Variants in DOCK3 observed in about 807,000 individuals in gnomAD.
The protein encoded by DOCK3 is dedicator of cytokinesis protein 3.
Under a neutral mutation model 265.6 loss-of-function variants are expected in DOCK3, and 60 were observed. That is an observed-to-expected ratio of 0.23 (90% CI 0.18 to 0.28). DOCK3 has a LOEUF of 0.28. Ranked by LOEUF, DOCK3 falls within the 10% of genes least tolerant of loss-of-function variation. The pLI is 1.00. For synonymous variants in DOCK3, 881 were observed against 938.0 expected, an observed-to-expected ratio of 0.94 and a Z score of 1.11; for missense variants, 1,981 against 2,594.3, an observed-to-expected ratio of 0.76 and a Z score of 5.14.
At position 50,675,254 on chromosome 3, in the gene DOCK3, C is replaced by T. The variant is rs895422431; in HGVS notation, c.-10C>T. ...GTCGCCGCGCCCGCGGGGCCGCGCC[C>T]GGCACGGCCATGTGGACCCCCACGG... On this transcript the variant is annotated 5_prime_UTR_variant, in exon 1 of 53. Transcript: ENST00000266037. The surrounding 1 kb of genome is among the most constrained non-coding windows in gnomAD (Gnocchi z 6.1). 15 of 1,210,362 alleles carry T rather than the reference C, an allele frequency of 1.2e-5. No homozygotes were observed. Among genetic ancestry groups the T allele is most frequent in the African/African-American group, 4.8e-5 (3 of 61,970 alleles). 75.0% of individuals were successfully genotyped at this position (1,210,362 alleles called of 1,614,324 possible).
intron 3 of DOCK3, among the ~76,000 whole-genome samples, chr3:50,853,475 T>G (rs2046434476): frequency 6.6e-6 from 1 of 152,170 alleles, no homozygotes. Context: ...CCTTCCTGCT[T>G]CTTGGAGTCC....
chr3:51,256,515 G>T (rs1228806981), intron 22 of DOCK3, among the ~76,000 whole-genome samples: 18 of 150,784 alleles, frequency 1.2e-4, no homozygotes, highest in Admixed American at 1.2e-3. Context: ...AGGTGATCCG[G>T]CTGCCTTGGC....
intron 5 of DOCK3, among the ~76,000 whole-genome samples, chr3:50,964,995 A>G (rs2076988816): frequency 1.3e-5 from 2 of 152,120 alleles, no homozygotes; most frequent in Admixed American, 1.3e-4. Flanking sequence ...CAAAATAAAG[A>G]TGTTTTAGAT....
At chr3:51,170,837 G>T (rs930390997) in intron 12 of DOCK3, among the ~76,000 whole-genome samples, 4 of 151,790 alleles carry the variant, frequency 2.6e-5, no homozygotes, top group African/African-American at 9.7e-5. Flanking sequence ...CAGCTACTCG[G>T]GAGGCTGAGG....
chr3:51,131,237 T>C (rs1483271979), intron 9 of DOCK3, among the ~76,000 whole-genome samples: 2 of 152,124 alleles, frequency 1.3e-5, no homozygotes, highest in Admixed American at 6.5e-5. Context: ...ACTCCATTAA[T>C]TGCCTGACTT....
chr3:51,007,997 C>T (rs1311902347), intron 5 of DOCK3, among the ~76,000 whole-genome samples: 1 of 152,102 alleles, frequency 6.6e-6, no homozygotes, highest in Admixed American at 6.6e-5. Context: ...TTTCTGGTAC[C>T]AGTATCATGT....
At chr3:50,995,412 C>T (rs1216439788) in intron 5 of DOCK3, among the ~76,000 whole-genome samples, 1 of 152,146 alleles carries the variant, frequency 6.6e-6, no homozygotes, top group African/African-American at 2.4e-5. Context: ...TTGATGTGTG[C>T]AGCAAAAAAG....
chr3:51,214,777 C>A (rs1331870187), intron 14 of DOCK3, among the ~76,000 whole-genome samples: 2 of 152,194 alleles, frequency 1.3e-5, no homozygotes, highest in African/African-American at 4.8e-5. Flanking sequence ...GCCAGCTTCT[C>A]AGGAATTGTA....
intron 4 of DOCK3, among the ~76,000 whole-genome samples, chr3:50,913,760 G>T (rs1397882699): frequency 2.0e-5 from 3 of 152,102 alleles, no homozygotes; most frequent in Non-Finnish European, 2.9e-5. Flanking sequence ...TAGAATTGCT[G>T]CAAGTTCCCT....
chr3:51,116,802 A>G (rs1206390397), intron 9 of DOCK3, among the ~76,000 whole-genome samples: 1 of 152,158 alleles, frequency 6.6e-6, no homozygotes, highest in East Asian at 1.9e-4. Context: ...TGATTTTTGC[A>G]CATTGATTTT....
At chr3:51,056,566 C>T (rs1378727233) in intron 5 of DOCK3, among the ~76,000 whole-genome samples, 13 of 152,094 alleles carry the variant, frequency 8.5e-5, no homozygotes, top group South Asian at 2.1e-4. Flanking sequence ...GTATTTTTGA[C>T]ATAAAGGTCA....
chr3:50,787,855 G>T, intron 2 of DOCK3: 1 of 1,096,316 alleles, frequency 9.1e-7, no homozygotes, highest in Non-Finnish European at 1.4e-6. Context: ...GAGTCTCTTT[G>T]GATTGAGAAG....
At chr3:51,159,760 T>C (rs2086042001) in intron 11 of DOCK3, among the ~76,000 whole-genome samples, 1 of 152,180 alleles carries the variant, frequency 6.6e-6, no homozygotes, top group Non-Finnish European at 1.5e-5. Context: ...CTCCAGAAGA[T>C]GGATGACATT....
intron 1 of DOCK3, among the ~76,000 whole-genome samples, chr3:50,702,899 G>T (rs1053646789): frequency 6.6e-6 from 1 of 152,130 alleles, no homozygotes; most frequent in South Asian, 2.1e-4. Flanking sequence ...AGTAGTGAAA[G>T]TGGGCATCCT....
chr3:51,126,608 T>C (rs1458591122), intron 9 of DOCK3, among the ~76,000 whole-genome samples: 1 of 152,188 alleles, frequency 6.6e-6, no homozygotes, highest in Non-Finnish European at 1.5e-5. Context: ...TGTCCTGTCA[T>C]CAGAGCCTTG....
chr3:50,978,142 C>G (rs1343843389), intron 5 of DOCK3, among the ~76,000 whole-genome samples: 1 of 151,626 alleles, frequency 6.6e-6, no homozygotes, highest in Non-Finnish European at 1.5e-5. Flanking sequence ...CTTCTCTCAG[C>G]TCGTCAAAGT....
At chr3:51,053,117 A>ATATATATC in intron 5 of DOCK3, among the ~76,000 whole-genome samples, 1 of 120,006 alleles carries the variant, frequency 8.3e-6, no homozygotes, top group African/African-American at 3.0e-5. Flanking sequence ...ATATATATAT[A>ATATATATC]TATATGGATT....
chr3:51,197,969 G>A (rs2107946377), intron 12 of DOCK3, among the ~76,000 whole-genome samples: 1 of 152,308 alleles, frequency 6.6e-6, no homozygotes, highest in South Asian at 2.1e-4. Context: ...CATCCTGGTG[G>A]CACTCACTTC....
intron 12 of DOCK3, among the ~76,000 whole-genome samples, chr3:51,201,054 C>G (rs1275017321): frequency 6.6e-6 from 1 of 152,082 alleles, no homozygotes; most frequent in African/African-American, 2.4e-5. Context: ...CAACCGGTAC[C>G]AGCCGCTGCA....
Sources: allele counts gnomAD v4.1 joint callset (sites outside exome capture counted in the v4.1 genomes callset), GRCh38; gene constraint gnomAD v4.1.1; non-coding constraint Gnocchi (gnomAD v3.1); transcripts MANE v1.5; gene names NCBI Gene and HGNC (gene_info 2026-07-23, HGNC 2026-07-21).